MIPOL1: variants seen among roughly 807,000 people sequenced by gnomAD.
MIPOL1 encodes the protein mirror-image polydactyly 1, also known as mirror-image polydactyly gene 1 protein.
A neutral mutation model predicts 60.9 loss-of-function variants in MIPOL1; 57 were observed. That is an observed-to-expected ratio of 0.94 (90% confidence interval 0.76 to 1.17). MIPOL1 has a LOEUF of 1.17. Ranked by LOEUF, MIPOL1 falls within the 50% of genes most tolerant of loss-of-function variation. The probability of loss-of-function intolerance (pLI) is 0.00; values close to 1 mark genes in which losing one functional copy is unlikely to be tolerated. For synonymous variants in MIPOL1, 179 were observed against 168.8 expected, an observed-to-expected ratio of 1.06 and a Z score of -0.47; for missense variants, 551 against 511.6, an observed-to-expected ratio of 1.08 and a Z score of -0.74.
At chr14:37,394,282 G>C (rs1388036282) in intron 10 of MIPOL1, among the ~76,000 whole-genome samples, 1 of 151,548 alleles carries the variant, frequency 6.6e-6, no homozygotes, top group African/African-American at 2.4e-5. Flanking sequence ...ATACCCAGTA[G>C]TGGGATTGCT....
chr14:37,199,234 A>T (rs1228374084), intron 1 of MIPOL1, among the ~76,000 whole-genome samples: 1 of 152,212 alleles, frequency 6.6e-6, no homozygotes, highest in Non-Finnish European at 1.5e-5. Context: ...AGGAAAGAGC[A>T]TTATTGCATC....
chr14:37,379,046 G>T (rs1477725361), intron 10 of MIPOL1, among the ~76,000 whole-genome samples: 1 of 151,938 alleles, frequency 6.6e-6, no homozygotes, highest in Non-Finnish European at 1.5e-5. Context: ...TGACTCACGG[G>T]TCTTGATGTA....
At chr14:37,267,328 A>G (rs1475276621) in intron 4 of MIPOL1, among the ~76,000 whole-genome samples, 159 bp downstream of exon 4, 2 of 152,018 alleles carry the variant, frequency 1.3e-5, no homozygotes, top group East Asian at 3.9e-4. Flanking sequence ...TCTCTACTGA[A>G]AATACAAAAA....
At chr14:37,399,472 G>T (rs1207851971) in intron 10 of MIPOL1, among the ~76,000 whole-genome samples, 1 of 151,944 alleles carries the variant, frequency 6.6e-6, no homozygotes, top group Non-Finnish European at 1.5e-5. Flanking sequence ...CATTTTTTAT[G>T]ATATCTGGGT....
intron 6 of MIPOL1, chr14:37,277,393 C>T (rs1307767842): frequency 6.6e-6 from 1 of 151,120 alleles, no homozygotes; most frequent in Admixed American, 6.6e-5. Context: ...ATACAATTAT[C>T]AGTACTGATT....
chr14:37,219,715 C>A (rs1410655291), intron 1 of MIPOL1: 1 of 152,178 alleles, frequency 6.6e-6, no homozygotes, highest in Non-Finnish European at 1.5e-5. Flanking sequence ...TGTATCCCTA[C>A]TGATTTTCTG....
At chr14:37,357,639 C>T (rs751722923) in intron 9 of MIPOL1, among the ~76,000 whole-genome samples, 6 of 151,944 alleles carry the variant, frequency 3.9e-5, no homozygotes, top group Non-Finnish European at 8.8e-5. Context: ...TGTTTGAGCT[C>T]CTTATATATC....
chr14:37,337,092 C>A (rs7157125), intron 9 of MIPOL1, among the ~76,000 whole-genome samples: 10,890 of 151,280 alleles, frequency 0.072, 1,324 homozygotes, highest in African/African-American at 0.25. Flanking sequence ...TTTTTTCCCC[C>A]TTGGTTGTAG....
At chr14:37,397,831 A>G (rs2093405143) in intron 10 of MIPOL1, among the ~76,000 whole-genome samples, 1 of 152,058 alleles carries the variant, frequency 6.6e-6, no homozygotes, top group African/African-American at 2.4e-5. Context: ...TGGCCCCTCT[A>G]ACAACCCCAA....
intron 3 of MIPOL1, among the ~76,000 whole-genome samples, chr14:37,257,095 T>TGTGTG (rs138371471): frequency 7.3e-6 from 1 of 137,708 alleles, no homozygotes; most frequent in Non-Finnish European, 1.6e-5. Flanking sequence ...TGGTTTTGTT[T>TGTGTG]TGTGTGTGTG....
intron 1 of MIPOL1, among the ~76,000 whole-genome samples, chr14:37,202,738 T>C (rs1434115803): frequency 6.6e-6 from 1 of 152,216 alleles, no homozygotes; most frequent in Non-Finnish European, 1.5e-5. Context: ...TGACCGTACC[T>C]TCTCCCCTGC....
intron 12 of MIPOL1, among the ~76,000 whole-genome samples, chr14:37,527,626 G>A (rs977923479): frequency 6.6e-6 from 1 of 152,034 alleles, no homozygotes; most frequent in African/African-American, 2.4e-5. Context: ...GGGTTCATTT[G>A]AATGTGAGAG....
intron 9 of MIPOL1, among the ~76,000 whole-genome samples, chr14:37,337,866 C>T (rs971517578): frequency 6.6e-6 from 1 of 151,972 alleles, no homozygotes; most frequent in Non-Finnish European, 1.5e-5. Flanking sequence ...TCATATGCAG[C>T]ACAGAAGTTT....
chr14:37,452,969 T>C (rs1183480154), intron 11 of MIPOL1, among the ~76,000 whole-genome samples: 2 of 152,210 alleles, frequency 1.3e-5, no homozygotes, highest in East Asian at 3.8e-4. Context: ...TTCTAAGGAA[T>C]TTCTTTTAGA....
intron 11 of MIPOL1, chr14:37,423,717 G>A (rs1472200988): frequency 6.6e-6 from 1 of 152,074 alleles, no homozygotes; most frequent in African/African-American, 2.4e-5. Flanking sequence ...TTAAGTTTTT[G>A]AAAGATTTTT....
chr14:37,358,727 A>T (rs1258500099), intron 9 of MIPOL1, among the ~76,000 whole-genome samples: 1 of 151,946 alleles, frequency 6.6e-6, no homozygotes, highest in African/African-American at 2.4e-5. Context: ...TAGATTCTGG[A>T]TGTCAGCCCT....
intron 1 of MIPOL1, among the ~76,000 whole-genome samples, chr14:37,231,363 C>T (rs1262384841): frequency 6.6e-6 from 1 of 152,208 alleles, no homozygotes; most frequent in African/African-American, 2.4e-5. Context: ...GCTGGGATTA[C>T]AGGCATGAGC....
At chr14:37,496,219 C>G (rs1163933172) in intron 11 of MIPOL1, among the ~76,000 whole-genome samples, 1 of 144,052 alleles carries the variant, frequency 6.9e-6, no homozygotes, top group African/African-American at 2.6e-5. Flanking sequence ...AAACTGGAAG[C>G]ATTCCCTTTG....
chr14:37,351,497 A>G (rs981599519), intron 9 of MIPOL1, among the ~76,000 whole-genome samples: 2 of 151,860 alleles, frequency 1.3e-5, no homozygotes, highest in African/African-American at 4.8e-5. Context: ...TACTTCCACA[A>G]TGGTTGAACT....
Sources: allele counts gnomAD v4.1 joint callset (sites outside exome capture counted in the v4.1 genomes callset), GRCh38; gene constraint gnomAD v4.1.1; transcripts MANE v1.5; gene names NCBI Gene and HGNC (gene_info 2026-07-23, HGNC 2026-07-21).